Variants in DSCAM observed in about 807,000 individuals in gnomAD.
DSCAM encodes the protein cell adhesion molecule DSCAM.
Under a neutral mutation model 217.7 loss-of-function variants are expected in DSCAM, and 47 were observed. That is an observed-to-expected ratio of 0.22 (90% CI 0.17 to 0.28). The LOEUF is 0.28. Among genes scored for constraint, DSCAM ranks in the 10% least tolerant of loss-of-function variants. The pLI is 1.00. For synonymous variants in DSCAM, 1,056 were observed against 1,015.3 expected (o/e 1.04, Z -0.76); for missense variants, 2,080 against 2,618.3 (o/e 0.79, Z 4.49).
intron 10 of DSCAM, among the ~76,000 whole-genome samples, chr21:40,276,642 G>A (rs1215039677): frequency 6.6e-6 from 1 of 152,132 alleles, no homozygotes; most frequent in Non-Finnish European, 1.5e-5. Flanking sequence ...TGTGTTCCCA[G>A]GGACTTAATA....
intron 3 of DSCAM, among the ~76,000 whole-genome samples, chr21:40,559,638 C>A (rs919711676): frequency 1.3e-5 from 2 of 151,922 alleles, no homozygotes; most frequent in African/African-American, 4.8e-5. Flanking sequence ...CACAAATTTG[C>A]AAACATAAAT....
rs542688181 is a variant in DSCAM at position 40,431,463 on chromosome 21, T to A, written c.509-62218A>T. Among the ~76,000 whole-genome samples the A allele has an allele frequency of 4.7e-5, 7 of 149,026 alleles. No individual in the cohort carries two copies. In the South Asian group the frequency reaches 6.7e-4, roughly 14 times the overall value. On this transcript the variant is annotated intron_variant, in intron 3 of 32. Coordinates refer to ENST00000400454, the MANE Select transcript of DSCAM (RefSeq NM_001389.5). ...CGATGAGGACAAAGACCTTTATGAC[T>A]CCTCAGCCTACTCAATGTGAAGACG...
At chr21:40,250,812 A>C (rs999379208) in intron 11 of DSCAM, among the ~76,000 whole-genome samples, 2 of 152,208 alleles carry the variant, frequency 1.3e-5, no homozygotes, top group African/African-American at 4.8e-5. Context: ...AGCACTCTTC[A>C]ATAAAGGGCT....
At chr21:40,782,445 T>C (rs2091555279) in intron 1 of DSCAM, among the ~76,000 whole-genome samples, 1 of 152,166 alleles carries the variant, frequency 6.6e-6, no homozygotes, top group Non-Finnish European at 1.5e-5. Context: ...AATTACCTCC[T>C]GGTTGGGCGC....
rs569977081 is a variant in DSCAM, at chr21:40,409,498, G to C, written c.509-40253C>G. 8.5e-5 allele frequency among the ~76,000 whole-genome samples: 13 copies of C among 152,288 alleles called. No individual in the cohort carries two copies. In the South Asian group the frequency reaches 2.3e-3, roughly 27 times the overall value. On this transcript the variant is annotated intron_variant, in intron 3 of 32. Coordinates refer to ENST00000400454, the MANE Select transcript of DSCAM (RefSeq NM_001389.5). Reference sequence around the variant, plus strand: ...GAAGAGGCCACAGAGCTAGAATGTAGGAAAAAGTACTAGAGGAATCCTAGT... The same window carrying C: ...GAAGAGGCCACAGAGCTAGAATGTACGAAAAAGTACTAGAGGAATCCTAGT...
In DSCAM at chr21:40,816,519, C is replaced by T. The variant is rs376526766; in HGVS notation, c.43+30100G>A. On this transcript the variant is annotated intron_variant, in intron 1 of 32. Transcript: ENST00000400454. ...TGAACTCAGGAGGCAGAGCTTCCAG[C>T]GAGCCGAGATTGCACCACTGCACTC... 3.4e-4 allele frequency among the ~76,000 whole-genome samples: 52 copies of T among 152,222 alleles called. 1 individual carries two copies. The highest frequency in any genetic ancestry group is 3.4e-3 in the Middle Eastern group (1 of 292).
chr21:40,459,092 G>T (rs948869392), intron 3 of DSCAM, among the ~76,000 whole-genome samples: 1 of 151,654 alleles, frequency 6.6e-6, no homozygotes, highest in Non-Finnish European at 1.5e-5. Flanking sequence ...AATAAAATAC[G>T]AACAAAAAAG....
intron 1 of DSCAM, among the ~76,000 whole-genome samples, chr21:40,722,143 A>C (rs1217915774): frequency 2.0e-5 from 3 of 152,140 alleles, no homozygotes; most frequent in Admixed American, 6.5e-5. Flanking sequence ...ATTCATTGTC[A>C]GTAGACTAGC....
At chr21:40,394,670 C>T (rs1378171960) in intron 3 of DSCAM, among the ~76,000 whole-genome samples, 2 of 152,170 alleles carry the variant, frequency 1.3e-5, no homozygotes, top group Admixed American at 6.5e-5. Context: ...TGAGAAAATT[C>T]TTCCTAGCAG....
intron 32 of DSCAM, among the ~76,000 whole-genome samples, chr21:40,039,544 A>C (rs2088703756): frequency 6.6e-6 from 1 of 152,118 alleles, no homozygotes; most frequent in Admixed American, 6.6e-5. Flanking sequence ...GTATATTATA[A>C]ACACACACAG....
At chr21:40,391,918 T>C (rs1743736116) in intron 3 of DSCAM, among the ~76,000 whole-genome samples, 1 of 152,200 alleles carries the variant, frequency 6.6e-6, no homozygotes, top group African/African-American at 2.4e-5. Flanking sequence ...CCCTTCTTTC[T>C]TCCCAGAGAG....
chr21:40,431,334 G>A (rs967016037), intron 3 of DSCAM, among the ~76,000 whole-genome samples: 1 of 151,856 alleles, frequency 6.6e-6, no homozygotes. Context: ...TGAAGACAAT[G>A]AGGACAAAGA....
chr21:40,655,511 C>T (rs561140924), intron 3 of DSCAM, among the ~76,000 whole-genome samples: 12 of 149,928 alleles, frequency 8.0e-5, no homozygotes, highest in East Asian at 7.9e-4. Context: ...GGCACAATCA[C>T]GGCTCATTAC....
At chr21:40,110,452 C>T (rs990721600) in intron 20 of DSCAM, among the ~76,000 whole-genome samples, 20 of 152,068 alleles carry the variant, frequency 1.3e-4, no homozygotes, top group Non-Finnish European at 2.9e-4. Context: ...TAGATAAAAC[C>T]ACAAAGATGG....
intron 3 of DSCAM, among the ~76,000 whole-genome samples, chr21:40,403,405 C>A (rs970528967): frequency 1.3e-5 from 2 of 151,884 alleles, no homozygotes; most frequent in Non-Finnish European, 2.9e-5. Context: ...TCAAGTGATC[C>A]TCCCACCTCA....
chr21:40,265,255 A>G (rs9981756), intron 11 of DSCAM, among the ~76,000 whole-genome samples: 41,383 of 151,742 alleles, frequency 0.27, 7,165 homozygotes, highest in Non-Finnish European at 0.38. Flanking sequence ...AAAATAAAAC[A>G]CTTTATTTTT....
chr21:40,098,831 C>A (rs2089715167), intron 20 of DSCAM, among the ~76,000 whole-genome samples: 1 of 152,132 alleles, frequency 6.6e-6, no homozygotes, highest in East Asian at 1.9e-4. Context: ...TATAATCTAG[C>A]ATGCACGTGC....
chr21:40,349,821 A>G (rs1315036640), intron 5 of DSCAM, among the ~76,000 whole-genome samples: 3 of 152,230 alleles, frequency 2.0e-5, no homozygotes, highest in Admixed American at 6.5e-5. Flanking sequence ...GTCTAGTCAT[A>G]TTACAAATTA....
intron 2 of DSCAM, among the ~76,000 whole-genome samples, chr21:40,707,296 G>A (rs1445804350): frequency 6.6e-6 from 1 of 152,160 alleles, no homozygotes; most frequent in Non-Finnish European, 1.5e-5. Flanking sequence ...AGGTTTAGAG[G>A]TCCCTATACA....
Sources: allele counts gnomAD v4.1 joint callset (sites outside exome capture counted in the v4.1 genomes callset), GRCh38; gene constraint gnomAD v4.1.1; transcripts MANE v1.5; gene names NCBI Gene and HGNC (gene_info 2026-07-23, HGNC 2026-07-21).